Variants in GRID2 observed in about 807,000 individuals in gnomAD.
The protein encoded by GRID2 is glutamate ionotropic receptor delta type subunit 2.
Under a neutral mutation model 114.8 loss-of-function variants are expected in GRID2, and 33 were observed. That is an observed-to-expected ratio of 0.29 (90% confidence interval 0.22 to 0.38). The LOEUF is 0.38. Among genes scored for constraint, GRID2 ranks in the 10% least tolerant of loss-of-function variants. The probability of loss-of-function intolerance (pLI) is 1.00; values close to 1 mark genes in which losing one functional copy is unlikely to be tolerated. For synonymous variants in GRID2, 505 were observed against 449.9 expected (o/e 1.12, Z -1.55); for missense variants, 1,184 against 1,257.7 (o/e 0.94, Z 0.89).
chr4:93,180,516 A>G (rs1039730994), intron 4 of GRID2, among the ~76,000 whole-genome samples: 2 of 152,070 alleles, frequency 1.3e-5, no homozygotes, highest in African/African-American at 4.8e-5. Flanking sequence ...TTGTCATACC[A>G]ATCACCTCTT....
intron 4 of GRID2, among the ~76,000 whole-genome samples, chr4:93,185,226 C>A (rs933634801): frequency 6.6e-6 from 1 of 152,118 alleles, no homozygotes; most frequent in Non-Finnish European, 1.5e-5. Context: ...TCAATAGCAC[C>A]TCTGTTTTCC....
intron 13 of GRID2, among the ~76,000 whole-genome samples, chr4:93,588,756 G>C (rs1449954026): frequency 3.3e-5 from 5 of 152,184 alleles, no homozygotes; most frequent in Non-Finnish European, 5.9e-5. Context: ...GCCAAGGCCT[G>C]AGAAATGTTT....
intron 2 of GRID2, among the ~76,000 whole-genome samples, chr4:92,937,775 T>C (rs1214670820): frequency 6.8e-6 from 1 of 146,790 alleles, no homozygotes; most frequent in Admixed American, 7.4e-5. Context: ...ACGGATTGCA[T>C]TGAGCCTGTA....
At chr4:93,131,207 G>A (rs143043763) in intron 4 of GRID2, among the ~76,000 whole-genome samples, 1 of 137,996 alleles carries the variant, frequency 7.2e-6, no homozygotes, top group African/African-American at 2.8e-5. Context: ...AGGCTGGAGT[G>A]CAGTGGCACC....
At chr4:93,608,851 G>A (rs992123426) in intron 13 of GRID2, among the ~76,000 whole-genome samples, 4 of 133,320 alleles carry the variant, frequency 3.0e-5, no homozygotes, top group African/African-American at 1.1e-4. Flanking sequence ...TGGGTCAAAT[G>A]GTATTTCTAG....
intron 2 of GRID2, among the ~76,000 whole-genome samples, chr4:93,007,280 A>G (rs921018728): frequency 1.3e-5 from 2 of 152,090 alleles, no homozygotes; most frequent in African/African-American, 2.4e-5. Context: ...CCACATGTTG[A>G]AAAGTCACAT....
chr4:93,710,997 C>T (rs1728432437), intron 14 of GRID2, among the ~76,000 whole-genome samples: 1 of 151,970 alleles, frequency 6.6e-6, no homozygotes, highest in Non-Finnish European at 1.5e-5. Flanking sequence ...TCCCTTCTCA[C>T]CCAGGGCAGC....
At chr4:92,392,342 C>T (rs879429444) in intron 1 of GRID2, among the ~76,000 whole-genome samples, 2 of 151,930 alleles carry the variant, frequency 1.3e-5, no homozygotes, top group Admixed American at 1.3e-4. Context: ...AGATCAAGAC[C>T]ATCCTGGCCA....
chr4:93,153,956 G>GT (rs1736949057), intron 4 of GRID2, among the ~76,000 whole-genome samples: 1 of 151,966 alleles, frequency 6.6e-6, no homozygotes, highest in African/African-American at 2.4e-5. Context: ...TTTAGAACTA[G>GT]TATGTATACC....
At chr4:92,920,707 G>C (rs369181589) in intron 2 of GRID2, among the ~76,000 whole-genome samples, 19 of 152,176 alleles carry the variant, frequency 1.2e-4, no homozygotes, top group South Asian at 4.1e-4. Flanking sequence ...GAGTTTCTGC[G>C]GAGAGATCAG....
At chr4:93,011,120 G>GT (rs563716982) in intron 2 of GRID2, among the ~76,000 whole-genome samples, 3,088 of 142,104 alleles carry the variant, frequency 0.022, 120 homozygotes, top group African/African-American at 0.073. Flanking sequence ...TTTAAGACAG[G>GT]TTTTTTTTTT....
intron 2 of GRID2, among the ~76,000 whole-genome samples, chr4:92,812,199 C>T (rs2149379881): frequency 6.6e-6 from 1 of 151,970 alleles, no homozygotes. Context: ...CAGCATTTTC[C>T]CAAGAAAGGT....
intron 2 of GRID2, among the ~76,000 whole-genome samples, chr4:92,910,348 A>G (rs995963512): frequency 2.0e-5 from 3 of 152,138 alleles, no homozygotes; most frequent in African/African-American, 7.2e-5. Flanking sequence ...CAATTACTTC[A>G]GTTCATATAT....
chr4:93,332,846 T>A (rs1440085208), intron 8 of GRID2, among the ~76,000 whole-genome samples: 1 of 152,088 alleles, frequency 6.6e-6, no homozygotes. Context: ...TGCAGCCTTT[T>A]CTTCTCCCCA....
intron 2 of GRID2, among the ~76,000 whole-genome samples, chr4:92,934,974 A>T (rs1018436331): frequency 6.8e-6 from 1 of 146,646 alleles, no homozygotes; most frequent in African/African-American, 2.4e-5. Flanking sequence ...GGACATAGGC[A>T]TGGGCAAGGA....
At chr4:92,708,011 TGTGATCTTG>T (rs543963419) in intron 2 of GRID2, among the ~76,000 whole-genome samples, 54 of 152,254 alleles carry the variant, frequency 3.5e-4, no homozygotes, top group Non-Finnish European at 4.0e-4. Flanking sequence ...GGTAGGTAGA[TGTGATCTTG>T]GTTTTGGCAA....
intron 2 of GRID2, among the ~76,000 whole-genome samples, chr4:93,015,583 G>A (rs1722603542): frequency 6.6e-6 from 1 of 152,072 alleles, no homozygotes; most frequent in Non-Finnish European, 1.5e-5. Flanking sequence ...TCATGAACAA[G>A]GACCTTCCTG....
chr4:93,046,569 C>A (rs978326842), intron 2 of GRID2, among the ~76,000 whole-genome samples: 1 of 151,810 alleles, frequency 6.6e-6, no homozygotes, highest in African/African-American at 2.4e-5. Context: ...AAAGAATATT[C>A]TCATATATTA....
chr4:93,770,645 A>G (rs1412477609), intron 15 of GRID2, among the ~76,000 whole-genome samples: 1 of 152,210 alleles, frequency 6.6e-6, no homozygotes, highest in Non-Finnish European at 1.5e-5. Flanking sequence ...GTCACATTGT[A>G]GTGTTTTCTT....
Sources: allele counts gnomAD v4.1 joint callset (sites outside exome capture counted in the v4.1 genomes callset), GRCh38; gene constraint gnomAD v4.1.1; transcripts MANE v1.5; gene names NCBI Gene and HGNC (gene_info 2026-07-23, HGNC 2026-07-21).